LONP2: variants seen among roughly 807,000 people sequenced by gnomAD.
LONP2 encodes the protein lon protease homolog 2, peroxisomal.
A neutral mutation model predicts 85.6 loss-of-function variants in LONP2; 60 were observed. The ratio of observed to expected loss-of-function variants is 0.70; its 90% CI spans 0.57 to 0.87. The LOEUF (loss-of-function observed/expected upper bound fraction) is 0.87, where lower values mean the gene tolerates loss of function less well. Among genes scored for constraint, LONP2 ranks in the 40% least tolerant of loss-of-function variants. The probability of loss-of-function intolerance (pLI) is 0.00; values close to 1 mark genes in which losing one functional copy is unlikely to be tolerated. For synonymous variants in LONP2, 395 were observed against 389.7 expected (o/e 1.01, Z -0.16); for missense variants, 860 against 1,063.5 (o/e 0.81, Z 2.66).
At chr16:48,338,304 A>T (rs1959712690) in intron 12 of LONP2, among the ~76,000 whole-genome samples, 1 of 152,206 alleles carries the variant, frequency 6.6e-6, no homozygotes. Flanking sequence ...ATGCAGGAAA[A>T]CAATAGACAA....
intron 12 of LONP2, among the ~76,000 whole-genome samples, chr16:48,340,580 G>T (rs935393462): frequency 3.3e-5 from 5 of 152,130 alleles, no homozygotes; most frequent in Admixed American, 2.6e-4. Context: ...AGGTAAGAAG[G>T]CACACTTTTA....
intron 12 of LONP2, among the ~76,000 whole-genome samples, chr16:48,347,007 G>T (rs112382257): frequency 6.6e-6 from 1 of 152,010 alleles, no homozygotes; most frequent in African/African-American, 2.4e-5. Flanking sequence ...AAAAATTAGC[G>T]GGTGTGGTGG....
intron 11 of LONP2, among the ~76,000 whole-genome samples, chr16:48,333,014 G>T (rs1371145061): frequency 2.0e-5 from 3 of 152,144 alleles, no homozygotes; most frequent in Non-Finnish European, 2.9e-5. Flanking sequence ...TTAAAAAAAG[G>T]TAATGAAAGA....
At chr16:48,256,896 T>C (rs1421931209) in intron 3 of LONP2, among the ~76,000 whole-genome samples, 155 bp downstream of exon 3, 1 of 148,608 alleles carries the variant, frequency 6.7e-6, no homozygotes, top group East Asian at 1.9e-4. Flanking sequence ...AATGTGATTG[T>C]TTTATATTTT....
At chr16:48,293,596 G>A (rs1972603978) in intron 8 of LONP2, among the ~76,000 whole-genome samples, 1 of 152,106 alleles carries the variant, frequency 6.6e-6, no homozygotes, top group South Asian at 2.1e-4. Flanking sequence ...TCAGTAGAGG[G>A]AAACATTCTA....
chr16:48,260,936 G>GA (rs893146655), intron 4 of LONP2, among the ~76,000 whole-genome samples: 1 of 152,046 alleles, frequency 6.6e-6, no homozygotes, highest in African/African-American at 2.4e-5. Flanking sequence ...CTAGAGGTAA[G>GA]AAAAAAATAT....
At chr16:48,313,116 A>G (rs934897903) in intron 11 of LONP2, among the ~76,000 whole-genome samples, 2 of 152,150 alleles carry the variant, frequency 1.3e-5, no homozygotes, top group African/African-American at 4.8e-5. Flanking sequence ...TGGGTTGGCT[A>G]TTGTAGGTCC....
intron 8 of LONP2, among the ~76,000 whole-genome samples, chr16:48,291,541 C>A (rs1020049978): frequency 2.6e-5 from 4 of 152,182 alleles, no homozygotes; most frequent in African/African-American, 9.7e-5. Flanking sequence ...TGCGTCATAT[C>A]ACAGCTATTT....
intron 2 of LONP2, among the ~76,000 whole-genome samples, chr16:48,252,958 C>T (rs1228747933): frequency 2.0e-5 from 3 of 152,104 alleles, no homozygotes; most frequent in Non-Finnish European, 4.4e-5. Context: ...CTTAATGAAA[C>T]ATAAAATTAT....
intron 1 of LONP2, chr16:48,247,266 C>G (rs1167655747): frequency 1.3e-5 from 2 of 151,048 alleles, no homozygotes; most frequent in South Asian, 2.1e-4. Flanking sequence ...CTGAGTAATC[C>G]ATAGCATTAG....
chr16:48,258,853 T>A (rs1971818896), intron 4 of LONP2, 113 bp downstream of exon 4: 1 of 988,472 alleles, frequency 1.0e-6, no homozygotes, highest in African/African-American at 1.7e-5. Context: ...TGATAAAATT[T>A]AGGTGTTTCC....
At chr16:48,327,127 G>C (rs568597744) in intron 11 of LONP2, among the ~76,000 whole-genome samples, 1 of 152,304 alleles carries the variant, frequency 6.6e-6, no homozygotes, top group East Asian at 1.9e-4. Context: ...TTCTGCCCCC[G>C]TGCTGTGTGC....
downstream of LONP2, chr16:48,361,519 T>A (rs1960593660): frequency 9.0e-6 from 14 of 1,555,306 alleles, no homozygotes; most frequent in East Asian, 3.2e-4. Flanking sequence ...GACAGATGGG[T>A]GCCTTATTTT....
rs546447440 is a variant in LONP2 at position 48,269,669 on chromosome 16, CT to C, written c.983-346del. Among the ~76,000 whole-genome samples the C allele has an allele frequency of 1.5e-3, 230 of 151,910 alleles. No individual in the cohort carries two copies. The Middle Eastern group carries it at 0.024, about 16-fold the overall frequency. On this transcript the variant is annotated intron_variant, in intron 6 of 14. Coordinates refer to ENST00000285737, the MANE Select transcript of LONP2 (RefSeq NM_031490.5). Reference sequence around the variant, plus strand: ...TTTCTGGAATGAACATATGTTACTACTGAAATAAGGAAAAAAATCACCCTTT... The same window carrying C: ...TTTCTGGAATGAACATATGTTACTACGAAATAAGGAAAAAAATCACCCTTT...
intron 12 of LONP2, chr16:48,344,250 C>T (rs1281474490): frequency 6.6e-6 from 1 of 152,144 alleles, no homozygotes; most frequent in Non-Finnish European, 1.5e-5. Context: ...GATATAGTTT[C>T]AGAACACGTC....
chr16:48,350,681 T>TCGCC (rs1960115784), intron 14 of LONP2, among the ~76,000 whole-genome samples: 1 of 152,190 alleles, frequency 6.6e-6, no homozygotes, highest in Admixed American at 6.5e-5. Flanking sequence ...CTCTTCAAGT[T>TCGCC]CCTGTGGGCC....
rs1482586182 is a variant in LONP2, at chr16:48,347,973, C to G, written c.2147-127C>G. On this transcript the variant is annotated intron_variant, in intron 13 of 14. Coordinates refer to ENST00000285737, the MANE Select transcript of LONP2 (RefSeq NM_031490.5). ...CTTCCACACCCTCACCCAAATTGTACTGTCCACCAATATTTTGAAGAATTC... is the reference window on the plus strand; with the variant it reads ...CTTCCACACCCTCACCCAAATTGTAGTGTCCACCAATATTTTGAAGAATTC... 5 of 876,030 alleles carry G rather than the reference C, an allele frequency of 5.7e-6. No individual in the cohort carries two copies. In the East Asian group the frequency reaches 1.3e-4, roughly 23 times the overall value. The allele number at this position is 876,030 out of a possible 1,614,324, so 54.3% of individuals were successfully genotyped here.
intron 11 of LONP2, among the ~76,000 whole-genome samples, chr16:48,332,435 G>A (rs1959482290): frequency 6.6e-6 from 1 of 152,150 alleles, no homozygotes; most frequent in Admixed American, 6.5e-5. Context: ...CATTAGGCCA[G>A]GCTCAGTGGC....
At chr16:48,256,996 GA>G (rs968668045) in intron 3 of LONP2, among the ~76,000 whole-genome samples, 2 of 152,102 alleles carry the variant, frequency 1.3e-5, no homozygotes, top group African/African-American at 4.8e-5. Context: ...TCAATTTACA[GA>G]AAAAGTTAAA....
Sources: gnomAD v4.1 joint callset for allele counts (sites outside exome capture counted in the v4.1 genomes callset) on GRCh38, gnomAD v4.1.1 for gene constraint, MANE v1.5 for transcripts, NCBI Gene and HGNC (gene_info 2026-07-23, HGNC 2026-07-21) for gene names.